The following VAV3 variants were observed in gnomAD, a reference collection of about 807,000 sequenced individuals.
The protein encoded by VAV3 is vav guanine nucleotide exchange factor 3.
A neutral mutation model predicts 131.2 loss-of-function variants in VAV3; 94 were observed. That is an observed-to-expected ratio of 0.72 (90% confidence interval 0.61 to 0.85). The LOEUF (loss-of-function observed/expected upper bound fraction) is 0.85, where lower values mean the gene tolerates loss of function less well. Among genes scored for constraint, VAV3 ranks in the 40% least tolerant of loss-of-function variants. VAV3 has a pLI of 0.00. For missense variants in VAV3, 939 were observed against 1,002.7 expected (o/e 0.94, Z 0.86); for synonymous variants, 349 against 342.0 (o/e 1.02, Z -0.22).
At chr1:107,854,698 A>T (rs1175800587) in intron 2 of VAV3, among the ~76,000 whole-genome samples, 1 of 152,008 alleles carries the variant, frequency 6.6e-6, no homozygotes, top group African/African-American at 2.4e-5. Context: ...TGTCATAATG[A>T]CCTCCCTGAC....
At chr1:107,800,713 G>A (rs952229865) in intron 2 of VAV3, among the ~76,000 whole-genome samples, 4 of 151,952 alleles carry the variant, frequency 2.6e-5, no homozygotes, top group African/African-American at 9.7e-5. Flanking sequence ...TATATATTCT[G>A]GTTGTTAATC....
At chr1:107,778,346 GA>G (rs1665482783) in intron 3 of VAV3, among the ~76,000 whole-genome samples, 1 of 151,974 alleles carries the variant, frequency 6.6e-6, no homozygotes, top group African/African-American at 2.4e-5. Flanking sequence ...AAAAAAAGGA[GA>G]AAAATTTTGA....
chr1:107,786,290 G>A (rs1665999915), intron 2 of VAV3, among the ~76,000 whole-genome samples: 1 of 152,060 alleles, frequency 6.6e-6, no homozygotes, highest in Non-Finnish European at 1.5e-5. Context: ...ATCTTCAAAA[G>A]TGAAACTACA....
At chr1:107,659,724 C>G (rs1656866364) in intron 19 of VAV3, among the ~76,000 whole-genome samples, 1 of 152,060 alleles carries the variant, frequency 6.6e-6, no homozygotes, top group African/African-American at 2.4e-5. Context: ...TAAGGATATG[C>G]TGGTATTAAG....
chr1:107,753,727 T>C (rs1663927357), intron 12 of VAV3, among the ~76,000 whole-genome samples: 2 of 151,204 alleles, frequency 1.3e-5, no homozygotes, highest in Non-Finnish European at 2.9e-5. Flanking sequence ...GCCTGGCTAG[T>C]TTTTGTATTT....
chr1:107,598,423 T>G (rs1271559688), intron 24 of VAV3, among the ~76,000 whole-genome samples: 1 of 151,922 alleles, frequency 6.6e-6, no homozygotes, highest in East Asian at 1.9e-4. Context: ...AGTGAAATAG[T>G]TTTTGCTATG....
intron 25 of VAV3, among the ~76,000 whole-genome samples, chr1:107,586,172 TA>T (rs1045883018): frequency 1.3e-5 from 2 of 148,832 alleles, no homozygotes; most frequent in Admixed American, 1.3e-4. Flanking sequence ...GAGCGCTCAG[TA>T]ACGTCTAACA....
At chr1:107,679,214 G>T (rs905520052) in intron 19 of VAV3, among the ~76,000 whole-genome samples, 24 of 152,146 alleles carry the variant, frequency 1.6e-4, no homozygotes, top group Non-Finnish European at 3.1e-4. Flanking sequence ...CTACAAAACA[G>T]TAAGACATCT....
At chr1:107,753,915 T>C (rs1663939655) in intron 12 of VAV3, among the ~76,000 whole-genome samples, 1 of 151,966 alleles carries the variant, frequency 6.6e-6, no homozygotes, top group Admixed American at 6.6e-5. Context: ...GTCCAAGAAA[T>C]ATGCTATGGA....
chr1:107,925,986 C>T (rs1252037552), intron 1 of VAV3, among the ~76,000 whole-genome samples: 2 of 151,608 alleles, frequency 1.3e-5, no homozygotes, highest in African/African-American at 4.9e-5. Flanking sequence ...AAAATTGTTA[C>T]AAGAATCAAC....
chr1:107,735,526 T>C (rs1474332067), intron 15 of VAV3, among the ~76,000 whole-genome samples: 5 of 151,854 alleles, frequency 3.3e-5, no homozygotes, highest in Non-Finnish European at 7.4e-5. Context: ...AAAGGGGATA[T>C]CACCACCGAT....
chr1:107,879,058 C>A (rs2101030450), intron 1 of VAV3, among the ~76,000 whole-genome samples: 1 of 152,090 alleles, frequency 6.6e-6, no homozygotes, highest in Non-Finnish European at 1.5e-5. Flanking sequence ...TATTGTCCCA[C>A]GTTTGGCCAC....
At chr1:107,901,161 T>A (rs1046737131) in intron 1 of VAV3, among the ~76,000 whole-genome samples, 1 of 152,182 alleles carries the variant, frequency 6.6e-6, no homozygotes, top group African/African-American at 2.4e-5. Flanking sequence ...AGCTGCTATG[T>A]CCCAGGTATT....
intron 1 of VAV3, among the ~76,000 whole-genome samples, chr1:107,919,174 G>T (rs1672769043): frequency 6.6e-6 from 1 of 152,144 alleles, no homozygotes; most frequent in Non-Finnish European, 1.5e-5. Flanking sequence ...ACCTTTAGAT[G>T]ACAATATATT....
At chr1:107,714,428 T>C (rs1319310975) in intron 15 of VAV3, among the ~76,000 whole-genome samples, 1 of 152,176 alleles carries the variant, frequency 6.6e-6, no homozygotes, top group African/African-American at 2.4e-5. Flanking sequence ...CTGATCCTTT[T>C]ATACCTAAAG....
chr1:107,800,285 T>C (rs750977520), intron 2 of VAV3, among the ~76,000 whole-genome samples: 2 of 152,146 alleles, frequency 1.3e-5, no homozygotes, highest in African/African-American at 2.4e-5. Context: ...TTTTCTATAT[T>C]AGTTTTACCA....
At chr1:107,781,661 A>G (rs1665699011) in intron 2 of VAV3, among the ~76,000 whole-genome samples, 1 of 152,174 alleles carries the variant, frequency 6.6e-6, no homozygotes. Flanking sequence ...CTGACCCCAA[A>G]ATTGTATATT....
chr1:107,686,299 C>T (rs1226650681), intron 18 of VAV3, among the ~76,000 whole-genome samples: 1 of 151,766 alleles, frequency 6.6e-6, no homozygotes, highest in Non-Finnish European at 1.5e-5. Context: ...TGACCTACCT[C>T]GCAAATAAAG....
chr1:107,747,874 T>C (rs1663450507), intron 15 of VAV3, among the ~76,000 whole-genome samples: 2 of 152,156 alleles, frequency 1.3e-5, no homozygotes, highest in Non-Finnish European at 2.9e-5. Context: ...ATTTTCCTAA[T>C]TTCAGAACCA....
Sources: allele counts gnomAD v4.1 joint callset (sites outside exome capture counted in the v4.1 genomes callset), GRCh38; gene constraint gnomAD v4.1.1; transcripts MANE v1.5; gene names NCBI Gene and HGNC (gene_info 2026-07-23, HGNC 2026-07-21).